The following IFNAR1 variants were observed in gnomAD, a reference collection of about 807,000 sequenced individuals.
IFNAR1 encodes interferon alpha and beta receptor subunit 1.
A neutral mutation model predicts 62.1 loss-of-function variants in IFNAR1; 47 were observed. The ratio of observed to expected loss-of-function variants is 0.76; its 90% confidence interval spans 0.60 to 0.97. The LOEUF (loss-of-function observed/expected upper bound fraction) is 0.97. Among genes scored for constraint, IFNAR1 ranks in the 50% least tolerant of loss-of-function variants. The probability of loss-of-function intolerance (pLI) is 0.00; values close to 1 mark genes in which losing one functional copy is unlikely to be tolerated. For missense variants in IFNAR1, 638 were observed against 654.5 expected, an observed-to-expected ratio of 0.97 and a Z score of 0.27; for synonymous variants, 219 against 226.9, an observed-to-expected ratio of 0.97 and a Z score of 0.31.
chr21:33,350,010 G>T (rs1215441985), intron 8 of IFNAR1, among the ~76,000 whole-genome samples: 1 of 151,764 alleles, frequency 6.6e-6, no homozygotes, highest in Non-Finnish European at 1.5e-5. Flanking sequence ...TTATGGGTGA[G>T]CTGCATCTGG....
In IFNAR1 at chr21:33,341,144, G is replaced by T. The variant is rs1461207005; in HGVS notation, c.346G>T (p.Glu116Ter). The T allele has an allele frequency of 1.2e-6, 2 of 1,612,460 alleles. No individual in the cohort carries two copies. Among genetic ancestry groups the T allele is most frequent in the Admixed American group, 3.4e-5 (2 of 59,648 alleles). The change falls in exon 3 of 11, where the codon GAG becomes TAG. Residue 116 changes from glutamate to a stop codon, truncating the protein, a stop_gained. Coordinates refer to ENST00000270139, the MANE Select transcript of IFNAR1 (RefSeq NM_000629.3). LOFTEE classifies it high-confidence loss of function. The part of the protein sequence containing the change: ...AEKENTSSWY[E>*]VDSFTPFRKA... ...AAAAGAAAACACTTCTTCATGGTAT[G>T]AGGTTGACTCATTTACACCATTTCG...
At position 33,358,538 on chromosome 21, in the gene IFNAR1, T is replaced by C. The variant is rs941789809; in HGVS notation, c.*2989T>C. On this transcript the variant is annotated 3_prime_UTR_variant, in exon 11 of 11. Transcript: ENST00000270139. ...ATGAGCCTGTAAACATATATTCATATATGTACCTGCACATGTACCCACCTG... is the reference window on the plus strand; with the variant it reads ...ATGAGCCTGTAAACATATATTCATACATGTACCTGCACATGTACCCACCTG... 6.6e-6 allele frequency: 1 copy of C among 152,074 alleles called. No individual in the cohort carries two copies. The highest frequency in any genetic ancestry group is 2.4e-5 in the African/African-American group (1 of 41,406). 9.4% of individuals were successfully genotyped at this position (152,074 alleles called of 1,614,324 possible). A position where few individuals can be genotyped will look rare whatever the true frequency, so the allele number is the denominator to read the frequency against.
upstream of IFNAR1, chr21:33,324,792 G>A: frequency 1.9e-6 from 1 of 520,150 alleles, no homozygotes; most frequent in Non-Finnish European, 3.5e-6. Flanking sequence ...CGCGCGCACA[G>A]GGGTGCTGCA....
Position 33,356,042 on chromosome 21 carries a change from C to T in IFNAR1, c.*493C>T, listed in dbSNP as rs1459049108. The T allele has an allele frequency of 2.6e-5, 4 of 152,146 alleles. No homozygotes were observed. The highest frequency in any genetic ancestry group is 6.6e-5 in the Admixed American group (1 of 15,262). The allele number at this position is 152,146 out of a possible 1,614,324, so 9.4% of individuals were successfully genotyped here. On this transcript the variant is annotated 3_prime_UTR_variant, in exon 11 of 11. Transcript: ENST00000270139. ...AAGAAATTAAAAGAGTTGAGACAAA[C>T]GTTTCCTACATTCTTTTCCATGTGT...
Position 33,335,562 on chromosome 21 carries a change from G to A in IFNAR1, c.115G>A (p.Asp39Asn), listed in dbSNP as rs148989381. 232 of 1,605,154 alleles carry A rather than the reference G, an allele frequency of 1.4e-4. No homozygotes were observed. In the African/African-American group the frequency reaches 2.5e-3, roughly 17 times the overall value. Reference protein sequence around the residue: ...NLKSPQKVEVDIIDDNFILRW... With the variant: ...NLKSPQKVEVNIIDDNFILRW... ...AAAATCTCCTCAAAAAGTAGAGGTCGACATCATAGATGACAACTTTATCCT... is the reference window on the plus strand; with the variant it reads ...AAAATCTCCTCAAAAAGTAGAGGTCAACATCATAGATGACAACTTTATCCT... The change falls in exon 2 of 11, where the codon GAC becomes AAC. Residue 39 changes from aspartate (D) to asparagine (N), a missense_variant. Coordinates refer to ENST00000270139, the MANE Select transcript of IFNAR1 (RefSeq NM_000629.3).
chr21:33,343,173 C>A, intron 3 of IFNAR1, 95 bp from the exon 4 acceptor site: 1 of 962,814 alleles, frequency 1.0e-6, no homozygotes, highest in Non-Finnish European at 1.6e-6. Flanking sequence ...CCAGAAGTGG[C>A]AGGCACATAT....
In IFNAR1 at chr21:33,356,416, G is replaced by C. The variant is rs1011508085; in HGVS notation, c.*867G>C. The C allele has an allele frequency of 2.0e-5, 3 of 152,210 alleles. No individual in the cohort carries two copies. Among genetic ancestry groups the C allele is most frequent in the Admixed American group, 2.0e-4 (3 of 15,282 alleles). 9.4% of individuals were successfully genotyped at this position (152,210 alleles called of 1,614,324 possible). On this transcript the variant is annotated 3_prime_UTR_variant, in exon 11 of 11. Coordinates refer to ENST00000270139, the MANE Select transcript of IFNAR1 (RefSeq NM_000629.3). The stretch of plus-strand genomic sequence containing the variant: ...GGAAAGTAGCTTACCCTAGAAAACA[G>C]CTGCAAATGCCAGAAAGATGATCCC...
intron 1 of IFNAR1, among the ~76,000 whole-genome samples, chr21:33,325,594 C>G (rs1461503310): frequency 2.0e-5 from 3 of 152,124 alleles, no homozygotes; most frequent in Non-Finnish European, 4.4e-5. Context: ...AAATGACAGT[C>G]GGAGTGACTG....
At chr21:33,338,488 C>G (rs1367088639) in intron 2 of IFNAR1, among the ~76,000 whole-genome samples, 1 of 149,654 alleles carries the variant, frequency 6.7e-6, no homozygotes. Context: ...GAGCTGAAAT[C>G]GTGCCCCTGC....
intron 3 of IFNAR1, among the ~76,000 whole-genome samples, chr21:33,342,688 C>CAAAAAAAAAAA (rs757422966): frequency 6.4e-5 from 6 of 93,476 alleles, no homozygotes; most frequent in South Asian, 3.4e-4. Flanking sequence ...ACTAAAAATA[C>CAAAAAAAAAAA]AAAAAAAAAA....
In IFNAR1 at chr21:33,345,263, C is replaced by T; in HGVS notation, c.691C>T (p.Pro231Ser). The T allele has an allele frequency of 6.3e-7, 1 of 1,579,234 alleles. No individual in the cohort carries two copies. The highest frequency in any genetic ancestry group is 1.1e-5 in the South Asian group (1 of 89,578). The change falls in exon 6 of 11, where the codon CCA becomes TCA. Residue 231 changes from proline to serine, a missense_variant. By Grantham distance (74) the Pro-to-Ser change is moderately conservative. Transcript: ENST00000270139. ...GCTTCTAGTTGAAAATGAACTACCTCCACCAGAAAATATAGAAGTCAGTGT... is the reference window on the plus strand; with the variant it reads ...GCTTCTAGTTGAAAATGAACTACCTTCACCAGAAAATATAGAAGTCAGTGT... The part of the protein sequence containing the change: ...IKTTVENELP[P>S]PENIEVSVQN...
At chr21:33,344,765 C>CTTAA (rs1555875101) in intron 5 of IFNAR1, among the ~76,000 whole-genome samples, 1 of 122,026 alleles carries the variant, frequency 8.2e-6, no homozygotes, top group Non-Finnish European at 1.9e-5. Flanking sequence ...TTCTTTTTTA[C>CTTAA]TTATTTATTT....
chr21:33,330,652 T>C (rs576219912), intron 1 of IFNAR1, among the ~76,000 whole-genome samples: 1 of 152,198 alleles, frequency 6.6e-6, no homozygotes, highest in South Asian at 2.1e-4. Flanking sequence ...AATAAACAAC[T>C]ACATTTTAGC....
rs530886692 is a variant in IFNAR1 at position 33,346,161 on chromosome 21, T to A, written c.788+801T>A. Among the ~76,000 whole-genome samples, 4 of 152,230 alleles carry A rather than the reference T, an allele frequency of 2.6e-5. No individual in the cohort carries two copies. The South Asian group carries it at 8.3e-4, about 32-fold the overall frequency. On this transcript the variant is annotated intron_variant, in intron 6 of 10. Coordinates refer to ENST00000270139, the MANE Select transcript of IFNAR1 (RefSeq NM_000629.3). The stretch of plus-strand genomic sequence containing the variant: ...ATGTAGTTTATATTGATTGGAAAAT[T>A]GTAGGAGATGAATAGAGAAAAGAGA...
Position 33,343,580 on chromosome 21 carries a change from T to C in IFNAR1, c.577T>C (p.Ser193Pro). 6.4e-7 allele frequency: 1 copy of C among 1,557,970 alleles called. No homozygotes were observed. Among genetic ancestry groups the C allele is most frequent in the Non-Finnish European group, 8.9e-7 (1 of 1,129,562 alleles). The change falls in exon 5 of 11, where the codon TCA becomes CCA. Residue 193 changes from serine to proline, a missense_variant. Transcript: ENST00000270139. Reference sequence around the variant, plus strand: ...TTCCAGACATAAAATTTATAAACTCTCACCAGAGACTACTTATTGTCTAAA... The same window carrying C: ...TTCCAGACATAAAATTTATAAACTCCCACCAGAGACTACTTATTGTCTAAA... Reference protein sequence around the residue: ...IYSRHKIYKLSPETTYCLKVK... With the variant: ...IYSRHKIYKLPPETTYCLKVK...
rs2083313537 is a variant in IFNAR1, at chr21:33,343,416, T to TCTA, written c.525_526insCTA (p.Gly175_Val176insLeu). On this transcript the variant is annotated inframe_insertion, in exon 4 of 11. Transcript: ENST00000270139. ...TAGTTATCTGGAAAAACTCTTCAGGTGTAGAAGTAAGCATTATTTTTACCT... is the reference window on the plus strand; with the variant it reads ...TAGTTATCTGGAAAAACTCTTCAGGTCTAGTAGAAGTAAGCATTATTTTTACCT... The TCTA allele has an allele frequency of 6.2e-7, 1 of 1,610,746 alleles. No homozygotes were observed. The highest frequency in any genetic ancestry group is 1.3e-5 in the African/African-American group (1 of 74,850).
intron 1 of IFNAR1, among the ~76,000 whole-genome samples, chr21:33,330,376 G>T (rs1271619231): frequency 6.6e-6 from 1 of 152,132 alleles, no homozygotes; most frequent in African/African-American, 2.4e-5. Flanking sequence ...ACTTTTGGGA[G>T]CCGGATATTA....
chr21:33,324,721 G>C (rs576418874), upstream of IFNAR1: 3 of 355,026 alleles, frequency 8.5e-6, no homozygotes, highest in African/African-American at 2.1e-5. Flanking sequence ...GCTCCAGACC[G>C]GCCATAGGCC....
rs1365372820 is a variant in IFNAR1, at chr21:33,343,352, T to C, written c.461T>C (p.Val154Ala). 6.2e-7 allele frequency: 1 copy of C among 1,612,770 alleles called. No homozygotes were observed. Among genetic ancestry groups the C allele is most frequent in the South Asian group, 1.1e-5 (1 of 91,036 alleles). ...ATCTCTCCTGGAACAAAAGATAGTG[T>C]TATGTGGGCTTTGGATGGTTTAAGC... is the stretch of plus-strand genomic sequence containing the variant. ...IHISPGTKDS[V>A]MWALDGLSFT... Residue 154 changes from valine (V) to alanine (A), a missense_variant, in exon 4 of 11, where the codon GTT becomes GCT. Transcript: ENST00000270139.
Sources: allele counts gnomAD v4.1 joint callset (sites outside exome capture counted in the v4.1 genomes callset), GRCh38; gene constraint gnomAD v4.1.1; transcripts MANE v1.5; gene names NCBI Gene and HGNC (gene_info 2026-07-23, HGNC 2026-07-21).